The following BCORL1 variants were observed in gnomAD, a reference collection of about 807,000 sequenced individuals.
The protein encoded by BCORL1 is BCL6 corepressor like 1.
Under a neutral mutation model 87.6 loss-of-function variants are expected in BCORL1, and 7 were observed. The ratio of observed to expected loss-of-function variants is 0.08; its 90% CI spans 0.05 to 0.15. BCORL1 has a LOEUF of 0.15. Ranked by LOEUF, BCORL1 falls within the 10% of genes least tolerant of loss-of-function variation. The pLI, the probability that BCORL1 is intolerant of heterozygous loss-of-function variation, is 1.00. For synonymous variants in BCORL1, 591 were observed against 634.4 expected, an observed-to-expected ratio of 0.93 and a Z score of 1.03; for missense variants, 1,215 against 1,499.7, an observed-to-expected ratio of 0.81 and a Z score of 3.13.
At chrX:129,991,026 C>T (rs1402414604) in intron 1 of BCORL1, among the ~76,000 whole-genome samples, 6 of 112,014 alleles carry the variant, frequency 5.4e-5, no homozygotes, top group Non-Finnish European at 3.8e-5. Flanking sequence ...ACCTCCGCCT[C>T]CTGGGTTCAA....
At chrX:129,989,042 A>T (rs1460494295) in intron 1 of BCORL1, among the ~76,000 whole-genome samples, 1 of 111,699 alleles carries the variant, frequency 9.0e-6, no homozygotes, top group Non-Finnish European at 1.9e-5. Flanking sequence ...AGCTCCTCAG[A>T]ATTGCCTGGG....
chrX:130,056,206 C>G lies in BCORL1; in HGVS notation c.*70C>G. 1.9e-6 allele frequency: 2 copies of G among 1,030,364 alleles called. No homozygotes were observed. Among genetic ancestry groups the G allele is most frequent in the Non-Finnish European group, 1.3e-6 (1 of 779,112 alleles). The allele number at this position is 1,030,364 out of a possible 1,213,427, so 84.9% of individuals were successfully genotyped here. On this transcript the variant is annotated 3_prime_UTR_variant, in exon 14 of 14. Transcript: ENST00000540052. ...CTTCCCCCACCTCCTTGTCTTTCCC[C>G]GACCGAGCACCAGACTGCAGAATGA...
At chrX:129,984,547 G>A (rs113965296) in intron 1 of BCORL1, among the ~76,000 whole-genome samples, 6 of 112,104 alleles carry the variant, frequency 5.4e-5, no homozygotes, top group African/African-American at 1.6e-4. Context: ...GGAAGGGATA[G>A]GGAGGTGAAC....
At chrX:130,038,847 C>A (rs1931124617) in intron 10 of BCORL1, among the ~76,000 whole-genome samples, 1 of 111,320 alleles carries the variant, frequency 9.0e-6, no homozygotes, top group Non-Finnish European at 1.9e-5. Flanking sequence ...CCACAACTAC[C>A]AATAGAGCTA....
chrX:129,991,788 G>T (rs1424777817), intron 1 of BCORL1, among the ~76,000 whole-genome samples: 1 of 101,507 alleles, frequency 9.9e-6, no homozygotes, highest in African/African-American at 3.6e-5. Context: ...CTCCTGAGTA[G>T]CTGGGATTGC....
chrX:129,980,602 C>T (rs1333605328), upstream of BCORL1, among the ~76,000 whole-genome samples: 1 of 112,076 alleles, frequency 8.9e-6, no homozygotes, highest in African/African-American at 3.2e-5. Context: ...TGGGCCGGCT[C>T]GGCGGGCGCA....
chrX:129,980,927 A>G (rs1335577186), upstream of BCORL1, among the ~76,000 whole-genome samples: 2 of 99,440 alleles, frequency 2.0e-5, no homozygotes, highest in African/African-American at 7.6e-5. Flanking sequence ...CCGGGGGTGG[A>G]GTAGGGGCGT....
At chrX:130,029,166 G>T (rs1266257848) in intron 8 of BCORL1, among the ~76,000 whole-genome samples, 4 of 111,841 alleles carry the variant, frequency 3.6e-5, no homozygotes, top group Non-Finnish European at 7.5e-5. Context: ...AGAAGCTTTT[G>T]TCTGGGTTTA....
rs766447653 is a variant in BCORL1, at chrX:130,013,084, C to T, written c.312C>T (p.Asn104=). 48 of 1,209,214 alleles carry T rather than the reference C, an allele frequency of 4.0e-5. No homozygotes were observed. Among genetic ancestry groups the T allele is most frequent in the Middle Eastern group, 4.6e-4 (2 of 4,368 alleles). ...DPQPKMDYAG[N]VAEAEGLLVP... ...AGCCAAAAATGGACTACGCTGGGAACGTGGCAGAGGCTGAGGGCCTCTTGG... is the reference window on the plus strand; with the variant it reads ...AGCCAAAAATGGACTACGCTGGGAATGTGGCAGAGGCTGAGGGCCTCTTGG... The change falls in exon 4 of 14, where the codon AAC becomes AAT. Residue 104 remains asparagine (N), a synonymous_variant. Transcript: ENST00000540052.
At chrX:130,055,411 G>C (rs1302310557) in intron 13 of BCORL1, among the ~76,000 whole-genome samples, 1 of 112,894 alleles carries the variant, frequency 8.9e-6, no homozygotes, top group African/African-American at 3.2e-5. Context: ...GGCCAGGGAA[G>C]CAAGAGTAAG....
intron 2 of BCORL1, among the ~76,000 whole-genome samples, chrX:130,006,569 C>T (rs1012965290): frequency 2.7e-5 from 3 of 110,734 alleles, no homozygotes; most frequent in Non-Finnish European, 3.8e-5. Context: ...CCATGTTAGC[C>T]AGGATGGTCT....
intron 1 of BCORL1, among the ~76,000 whole-genome samples, chrX:130,001,719 G>A (rs1013270471): frequency 3.6e-5 from 4 of 109,877 alleles, no homozygotes; most frequent in African/African-American, 1.3e-4. Context: ...GGTGAGAGTG[G>A]TGGGGAAATG....
intron 8 of BCORL1, among the ~76,000 whole-genome samples, chrX:130,029,639 A>ATT (rs377306965): frequency 4.0e-5 from 4 of 100,391 alleles, no homozygotes; most frequent in African/African-American, 7.2e-5. Flanking sequence ...CGTGATTCTT[A>ATT]TTTTTTTTTT....
chrX:130,012,759 G>C, intron 3 of BCORL1, 91 bp downstream of exon 3: 1 of 1,016,484 alleles, frequency 9.8e-7, no homozygotes, highest in Non-Finnish European at 1.4e-6. Context: ...CCAGGAAGTG[G>C]GCAGGAAGGG....
intron 1 of BCORL1, among the ~76,000 whole-genome samples, chrX:129,988,320 C>A (rs189588004): frequency 9.0e-6 from 1 of 111,502 alleles, no homozygotes; most frequent in South Asian, 3.7e-4. Context: ...CTTTCTTTGG[C>A]GAACTGAAGT....
intron 11 of BCORL1, among the ~76,000 whole-genome samples, chrX:130,049,422 T>A (rs1931952915): frequency 8.9e-6 from 1 of 112,338 alleles, no homozygotes; most frequent in Non-Finnish European, 1.9e-5. Flanking sequence ...AATGGCATTA[T>A]CTTGGCTCAC....
chrX:130,014,976 A>C lies in BCORL1; in HGVS notation c.2204A>C (p.Asn735Thr), dbSNP rs1929290592. The C allele has an allele frequency of 1.7e-6, 2 of 1,209,133 alleles. No individual in the cohort carries two copies. Among genetic ancestry groups the C allele is most frequent in the African/African-American group, 3.5e-5 (2 of 56,870 alleles). The change falls in exon 4 of 14, where the codon AAC (asparagine) becomes ACC (threonine). Residue 735 changes from asparagine (N) to threonine (T), a missense_variant. This residue lies in a region of BCORL1 where 861 missense variants were observed against 1,010.0 expected (regional missense o/e 0.85). Transcript: ENST00000540052. The part of the protein sequence containing the change: ...PASLLLNKDP[N>T]LGLNRDPRHL... ...TCCCTGCTGCTGAACAAAGACCCCA[A>C]CCTGGGCCTCAACCGTGACCCCCGC...
At chrX:130,046,467 C>T (rs1246114974) in intron 11 of BCORL1, among the ~76,000 whole-genome samples, 2 of 110,130 alleles carry the variant, frequency 1.8e-5, no homozygotes, top group Non-Finnish European at 3.8e-5. Context: ...ACGCCTCCGC[C>T]TCCGCCTCCC....
At chrX:130,041,046 A>G (rs910292013) in intron 11 of BCORL1, among the ~76,000 whole-genome samples, 1 of 110,514 alleles carries the variant, frequency 9.0e-6, no homozygotes, top group Non-Finnish European at 1.9e-5. Context: ...CCTAAGGAGT[A>G]GGAATGTGGA....
Sources: gnomAD v4.1 joint callset for allele counts (sites outside exome capture counted in the v4.1 genomes callset) on GRCh38, gnomAD v4.1.1 for gene constraint, gnomAD v4.1.1 regional missense constraint, MANE v1.5 for transcripts, NCBI Gene and HGNC (gene_info 2026-07-23, HGNC 2026-07-21) for gene names.